UBE2R2: variants seen among roughly 807,000 people sequenced by gnomAD.
UBE2R2 encodes ubiquitin conjugating enzyme E2 R2.
A neutral mutation model predicts 27.8 loss-of-function variants in UBE2R2; 1 was observed. The ratio of observed to expected loss-of-function variants is 0.04; its 90% CI spans 0.01 to 0.17. UBE2R2 has a LOEUF of 0.17. UBE2R2 is among the 10% of genes least tolerant of loss of function. The pLI is 1.00. For missense variants in UBE2R2, 100 were observed against 291.0 expected (o/e 0.34, Z 4.78); for synonymous variants, 106 against 113.3 (o/e 0.94, Z 0.41).
intron 1 of UBE2R2, among the ~76,000 whole-genome samples, chr9:33,828,333 T>C (rs1005501331): frequency 1.8e-4 from 27 of 150,218 alleles, no homozygotes; most frequent in African/African-American, 5.8e-4. Flanking sequence ...ATCAAACTTA[T>C]GGAGTGTTTT....
chr9:33,914,762 GAGGTTGC>G (rs1822598040), intron 4 of UBE2R2, among the ~76,000 whole-genome samples: 1 of 151,692 alleles, frequency 6.6e-6, no homozygotes, highest in Admixed American at 6.6e-5. Flanking sequence ...CCGGGAGGCA[GAGGTTGC>G]AGTGAGCTGA....
intron 1 of UBE2R2, among the ~76,000 whole-genome samples, chr9:33,851,185 A>G (rs1403312448): frequency 2.0e-5 from 3 of 152,116 alleles, no homozygotes; most frequent in Admixed American, 6.6e-5. Context: ...AAAAATTTTT[A>G]AACAACCACA....
At chr9:33,851,572 C>T (rs1435277296) in intron 1 of UBE2R2, among the ~76,000 whole-genome samples, 1 of 152,074 alleles carries the variant, frequency 6.6e-6, no homozygotes, top group Non-Finnish European at 1.5e-5. Context: ...GGTAAATTTT[C>T]CCTATGTTCT....
chr9:33,901,837 C>G (rs1296361801), intron 3 of UBE2R2, among the ~76,000 whole-genome samples: 1 of 151,280 alleles, frequency 6.6e-6, no homozygotes, highest in African/African-American at 2.4e-5. Flanking sequence ...TACTTTCTTT[C>G]TAAATTCAAA....
intron 2 of UBE2R2, among the ~76,000 whole-genome samples, chr9:33,895,417 G>A (rs369258016): frequency 6.6e-6 from 1 of 152,244 alleles, no homozygotes; most frequent in African/African-American, 2.4e-5. Flanking sequence ...TGGTTTATAT[G>A]TCTGTCATTA....
chr9:33,907,026 G>A (rs780147824), intron 3 of UBE2R2, among the ~76,000 whole-genome samples: 8 of 152,192 alleles, frequency 5.3e-5, no homozygotes, highest in Non-Finnish European at 1.0e-4. Context: ...TGAGACCCAA[G>A]TTTGCTTTGT....
At position 33,890,561 on chromosome 9, in the gene UBE2R2, C is replaced by T. The variant is rs1212476164; in HGVS notation, c.264+3594C>T. ...GCTCGGTGGCTCACGCCTGTAGTCC[C>T]AGCACTTTGGGAGGCCAAGGCAGGC... On this transcript the variant is annotated intron_variant, in intron 2 of 4. Transcript: ENST00000263228. Among the ~76,000 whole-genome samples, 4 of 151,932 alleles carry T rather than the reference C, an allele frequency of 2.6e-5. No individual in the cohort carries two copies. In the East Asian group the frequency reaches 5.8e-4, roughly 22 times the overall value.
At chr9:33,851,655 A>G (rs189633328) in intron 1 of UBE2R2, among the ~76,000 whole-genome samples, 113 of 152,278 alleles carry the variant, frequency 7.4e-4, no homozygotes, top group African/African-American at 2.7e-3. Context: ...GTCACTTAGA[A>G]GATGTTTGCC....
chr9:33,893,127 T>C (rs1320466778), intron 2 of UBE2R2, among the ~76,000 whole-genome samples: 3 of 152,196 alleles, frequency 2.0e-5, no homozygotes, highest in Admixed American at 2.0e-4. Flanking sequence ...TTTAGTATGT[T>C]CATAATGTTG....
At chr9:33,906,686 T>G (rs1162504878) in intron 3 of UBE2R2, among the ~76,000 whole-genome samples, 1 of 152,154 alleles carries the variant, frequency 6.6e-6, no homozygotes, top group Non-Finnish European at 1.5e-5. Context: ...ATGTTGAAAA[T>G]GGGCAAATGG....
intron 1 of UBE2R2, among the ~76,000 whole-genome samples, chr9:33,864,351 G>A (rs902510183): frequency 1.3e-5 from 2 of 152,010 alleles, no homozygotes; most frequent in African/African-American, 4.8e-5. Flanking sequence ...CCATTTCTTA[G>A]ATTAGCCATA....
chr9:33,856,510 A>G (rs1821104084), intron 1 of UBE2R2, among the ~76,000 whole-genome samples: 1 of 152,108 alleles, frequency 6.6e-6, no homozygotes, highest in African/African-American at 2.4e-5. Flanking sequence ...ACTATTGTGG[A>G]ACATGAGTTT....
chr9:33,839,961 A>C (rs1171526417), intron 1 of UBE2R2, among the ~76,000 whole-genome samples: 1 of 151,798 alleles, frequency 6.6e-6, no homozygotes, highest in Non-Finnish European at 1.5e-5. Context: ...GTGCCATTGT[A>C]CTCCAATCTG....
intron 1 of UBE2R2, among the ~76,000 whole-genome samples, chr9:33,852,609 T>G (rs567688597): frequency 3.9e-5 from 6 of 152,312 alleles, no homozygotes; most frequent in African/African-American, 1.4e-4. Context: ...CTAAGACAGG[T>G]GGCCTATTTT....
At chr9:33,868,490 G>A (rs1388558289) in intron 1 of UBE2R2, 3 of 151,970 alleles carry the variant, frequency 2.0e-5, no homozygotes, top group African/African-American at 7.3e-5. Flanking sequence ...AAGATTTGTA[G>A]TTGGCAGACT....
At chr9:33,840,564 T>C (rs1820710032) in intron 1 of UBE2R2, among the ~76,000 whole-genome samples, 1 of 152,214 alleles carries the variant, frequency 6.6e-6, no homozygotes, top group Non-Finnish European at 1.5e-5. Flanking sequence ...GGTCAGACTC[T>C]GGTTCGGTCT....
At chr9:33,846,998 T>TC (rs1820860193) in intron 1 of UBE2R2, among the ~76,000 whole-genome samples, 1 of 149,274 alleles carries the variant, frequency 6.7e-6, no homozygotes, top group Non-Finnish European at 1.5e-5. Flanking sequence ...TTATTTTGCT[T>TC]TTTTTTTTTT....
intron 1 of UBE2R2, among the ~76,000 whole-genome samples, chr9:33,843,022 A>C (rs1334670433): frequency 7.3e-4 from 27 of 37,014 alleles, no homozygotes; most frequent in Middle Eastern, 0.024. Flanking sequence ...CCGTGTTTAC[A>C]AAAAAAAAAA....
At position 33,919,724 on chromosome 9, in the gene UBE2R2, A is replaced by C. The variant is rs1380931216; in HGVS notation, c.*2487A>C. The C allele has an allele frequency of 6.9e-6, 1 of 144,736 alleles. No homozygotes were observed. Among genetic ancestry groups the C allele is most frequent in the Non-Finnish European group, 1.5e-5 (1 of 65,946 alleles). 9.0% of individuals were successfully genotyped at this position (144,736 alleles called of 1,614,324 possible). ...CCCTGTGGAAAATACTTGAGTTTGT[A>C]ATTTTTTTTCCCCCTTCTGGGAGTG... On this transcript the variant is annotated 3_prime_UTR_variant, in exon 5 of 5. Transcript: ENST00000263228.
Sources: allele counts gnomAD v4.1 joint callset (sites outside exome capture counted in the v4.1 genomes callset), GRCh38; gene constraint gnomAD v4.1.1; transcripts MANE v1.5; gene names NCBI Gene and HGNC (gene_info 2026-07-23, HGNC 2026-07-21).